GTF2H5: variants seen among roughly 807,000 people sequenced by gnomAD.
GTF2H5 encodes the protein TFB5 ortholog.
Under a neutral mutation model 7.1 loss-of-function variants are expected in GTF2H5, and 5 were observed. The observed-to-expected ratio is 0.71, with a 90% CI of 0.37 to 1.49. GTF2H5 has a LOEUF of 1.49. GTF2H5 is among the 40% of genes most tolerant of loss of function. The pLI is 0.03. For missense variants in GTF2H5, 80 were observed against 83.0 expected (o/e 0.96, Z 0.14); for synonymous variants, 30 against 31.7 (o/e 0.95, Z 0.18).
intron 2 of GTF2H5, among the ~76,000 whole-genome samples, chr6:158,182,503 C>G (rs1786024362): frequency 6.6e-6 from 1 of 152,180 alleles, no homozygotes; most frequent in South Asian, 2.1e-4. Flanking sequence ...TCGTCACTTT[C>G]AGATACACCA....
At chr6:158,187,083 C>T (rs1776941096) in intron 2 of GTF2H5, among the ~76,000 whole-genome samples, 1 of 149,924 alleles carries the variant, frequency 6.7e-6, no homozygotes, top group Non-Finnish European at 1.5e-5. Context: ...CACCCCTCAC[C>T]TCCTGGGTTC....
chr6:158,168,844 T>TC (rs1785685904), intron 1 of GTF2H5, among the ~76,000 whole-genome samples: 1 of 152,160 alleles, frequency 6.6e-6, no homozygotes, highest in Admixed American at 6.5e-5. Flanking sequence ...ACGCCTGCAA[T>TC]CCCAGCACAT....
At chr6:158,169,497 A>ATATATAATATACAG (rs1562468379) in intron 1 of GTF2H5, among the ~76,000 whole-genome samples, 3,537 of 85,600 alleles carry the variant, frequency 0.041, 425 homozygotes, top group Middle Eastern at 0.052. Flanking sequence ...ATTGTATATT[A>ATATATAATATACAG]TATAATATAT....
In GTF2H5 at chr6:158,168,379, T is replaced by G. The variant is rs1334445159; in HGVS notation, c.-51T>G. The G allele has an allele frequency of 6.6e-6, 1 of 152,368 alleles. No individual in the cohort carries two copies. Among genetic ancestry groups the G allele is most frequent in the Non-Finnish European group, 1.5e-5 (1 of 68,164 alleles). 9.4% of individuals were successfully genotyped at this position (152,368 alleles called of 1,614,324 possible). Reference sequence around the variant, plus strand: ...TCTGCCGGCAACGCCGAGGCGCTTCTGCATCTGTGGGCCGAGGTGTGTGGC... The same window carrying G: ...TCTGCCGGCAACGCCGAGGCGCTTCGGCATCTGTGGGCCGAGGTGTGTGGC... On this transcript the variant is annotated 5_prime_UTR_variant, in exon 1 of 3. Transcript: ENST00000607778.
intron 2 of GTF2H5, chr6:158,190,799 G>GT (rs1777014075): frequency 5.3e-6 from 2 of 378,516 alleles, no homozygotes; most frequent in Non-Finnish European, 1.0e-5. Context: ...CTCAAGAATT[G>GT]CAAAAATCTG....
At chr6:158,169,441 A>ATTG (rs1554266934) in intron 1 of GTF2H5, among the ~76,000 whole-genome samples, 26 of 64,486 alleles carry the variant, frequency 4.0e-4, no homozygotes, top group East Asian at 2.4e-3. Context: ...TGTATATTAT[A>ATTG]TATATTATAT....
intron 1 of GTF2H5, among the ~76,000 whole-genome samples, chr6:158,169,470 T>C (rs1478608611): frequency 3.1e-5 from 2 of 64,144 alleles, no homozygotes; most frequent in Non-Finnish European, 4.8e-5. Flanking sequence ...TATTATATTG[T>C]ATATTATATA....
rs34979024 is a variant in GTF2H5 at position 158,193,149 on chromosome 6, CA to C, written c.*1003del. On this transcript the variant is annotated 3_prime_UTR_variant, in exon 3 of 3. Coordinates refer to ENST00000607778, the MANE Select transcript of GTF2H5 (RefSeq NM_207118.3). ...TCCAGGAGTCGAAACCCTGTCTCTA[CA>C]AAAAAAAAAATACAAAAATCTGCCT... 3.1e-3 allele frequency: 417 copies of C among 136,290 alleles called. 3 individuals carry two copies. Among genetic ancestry groups the C allele is most frequent in the African/African-American group, 8.6e-3 (319 of 36,882 alleles). 8.4% of individuals were successfully genotyped at this position (136,290 alleles called of 1,614,324 possible). A position where few individuals can be genotyped will look rare whatever the true frequency, so the allele number is the denominator to read the frequency against.
chr6:158,169,446 T>TTA (rs1491207655), intron 1 of GTF2H5, among the ~76,000 whole-genome samples: 24 of 57,016 alleles, frequency 4.2e-4, no homozygotes, highest in East Asian at 3.9e-3. Context: ...ATTATATATA[T>TTA]TATATATTAT....
At position 158,169,665 on chromosome 6, in the gene GTF2H5, T is replaced by C. The variant is rs979967661; in HGVS notation, c.-34-805T>C. 4.4e-4 allele frequency among the ~76,000 whole-genome samples: 32 copies of C among 72,130 alleles called. 1 individual carries two copies. The highest frequency in any genetic ancestry group is 3.6e-3 in the South Asian group (8 of 2,248). 47.3% of individuals were successfully genotyped at this position (72,130 alleles called of 152,430 possible). A position where few individuals can be genotyped will look rare whatever the true frequency, so the allele number is the denominator to read the frequency against. ...TATATTGTATATTACATATAATATATTGTATATTATATAATATATAATATA... is the reference window on the plus strand; with the variant it reads ...TATATTGTATATTACATATAATATACTGTATATTATATAATATATAATATA... On this transcript the variant is annotated intron_variant, in intron 1 of 2. Coordinates refer to ENST00000607778, the MANE Select transcript of GTF2H5 (RefSeq NM_207118.3).
intron 2 of GTF2H5, among the ~76,000 whole-genome samples, chr6:158,178,280 A>G (rs919216273): frequency 2.6e-5 from 4 of 152,064 alleles, no homozygotes; most frequent in Non-Finnish European, 4.4e-5. Flanking sequence ...AGGTCAGGAG[A>G]TCGAGACCAT....
chr6:158,173,517 A>G (rs550517005), intron 2 of GTF2H5, among the ~76,000 whole-genome samples: 6 of 152,308 alleles, frequency 3.9e-5, no homozygotes, highest in African/African-American at 1.4e-4. Flanking sequence ...GATTATCAGT[A>G]TAAGTCTGTT....
chr6:158,192,199 T>C lies in GTF2H5; in HGVS notation c.*42T>C, dbSNP rs1283197065. 3.4e-6 allele frequency: 5 copies of C among 1,477,038 alleles called. No individual in the cohort carries two copies. The Admixed American group carries it at 8.4e-5, about 25-fold the overall frequency. 91.5% of individuals were successfully genotyped at this position (1,477,038 alleles called of 1,614,324 possible). On this transcript the variant is annotated 3_prime_UTR_variant, in exon 3 of 3. Coordinates refer to ENST00000607778, the MANE Select transcript of GTF2H5 (RefSeq NM_207118.3). ...CCATTTAGGAATTATAAGCAGCAAC[T>C]GTGAAAGACTTGCCACTCAATATCT...
chr6:158,182,514 A>G (rs1786024538), intron 2 of GTF2H5, among the ~76,000 whole-genome samples: 2 of 152,320 alleles, frequency 1.3e-5, no homozygotes, highest in South Asian at 4.1e-4. Flanking sequence ...AGATACACCA[A>G]TCAAACGTAG....
chr6:158,184,285 A>G (rs1250532550), intron 2 of GTF2H5, among the ~76,000 whole-genome samples: 4 of 152,104 alleles, frequency 2.6e-5, no homozygotes, highest in African/African-American at 9.7e-5. Flanking sequence ...GCCGCATCGA[A>G]TTCCTGTTCT....
intron 2 of GTF2H5, among the ~76,000 whole-genome samples, chr6:158,181,103 T>G (rs890591421): frequency 6.6e-6 from 1 of 152,180 alleles, no homozygotes; most frequent in African/African-American, 2.4e-5. Flanking sequence ...AAGAACATCT[T>G]TATTTCTGCG....
intron 1 of GTF2H5, among the ~76,000 whole-genome samples, chr6:158,169,478 A>G (rs1269067526): frequency 7.4e-5 from 5 of 67,984 alleles, no homozygotes; most frequent in Non-Finnish European, 1.2e-4. Context: ...TGTATATTAT[A>G]TATAATATAT....
At position 158,169,474 on chromosome 6, in the gene GTF2H5, TTATATATAA is replaced by T. The variant is rs1562468265; in HGVS notation, c.-34-990_-34-982del. ...TATATTATATATATTATATTGTATA[TTATATATAA>T]TATATTGTATATTATATAATATATT... On this transcript the variant is annotated intron_variant, in intron 1 of 2. Transcript: ENST00000607778. Among the ~76,000 whole-genome samples the T allele has an allele frequency of 2.3e-3, 139 of 59,152 alleles. 2 individuals are homozygous for T. The highest frequency in any genetic ancestry group is 3.5e-3 in the African/African-American group (45 of 12,880). 38.8% of individuals were successfully genotyped at this position (59,152 alleles called of 152,430 possible). A position where few individuals can be genotyped will look rare whatever the true frequency, so the allele number is the denominator to read the frequency against.
At chr6:158,183,853 C>T (rs983957653) in intron 2 of GTF2H5, among the ~76,000 whole-genome samples, 3 of 152,244 alleles carry the variant, frequency 2.0e-5, no homozygotes, top group Non-Finnish European at 4.4e-5. Flanking sequence ...ACCCCTTGCA[C>T]TTCCTGGGTG....
Sources: gnomAD v4.1 joint callset for allele counts (sites outside exome capture counted in the v4.1 genomes callset) on GRCh38, gnomAD v4.1.1 for gene constraint, MANE v1.5 for transcripts, NCBI Gene and HGNC (gene_info 2026-07-23, HGNC 2026-07-21) for gene names.